KEL: variants seen among roughly 807,000 people sequenced by gnomAD.
KEL encodes the protein kell blood group glycoprotein.
A neutral mutation model predicts 99.5 loss-of-function variants in KEL; 96 were observed. The observed-to-expected ratio is 0.97, with a 90% CI of 0.82 to 1.14. The LOEUF (loss-of-function observed/expected upper bound fraction) is 1.14. KEL is among the 50% of genes most tolerant of loss of function. The probability of loss-of-function intolerance (pLI) is 0.00; values close to 1 mark genes in which losing one functional copy is unlikely to be tolerated. For missense variants in KEL, 926 were observed against 924.2 expected, an observed-to-expected ratio of 1.00 and a Z score of -0.03; for synonymous variants, 355 against 354.8, an observed-to-expected ratio of 1.00 and a Z score of -0.01.
At position 142,941,372 on chromosome 7, in the gene KEL, A is replaced by G; in HGVS notation, c.2079T>C (p.Thr693=). 1 of 1,610,458 alleles carries G rather than the reference A, an allele frequency of 6.2e-7. No individual in the cohort carries two copies. Among genetic ancestry groups the G allele is most frequent in the Non-Finnish European group, 8.5e-7 (1 of 1,177,268 alleles). Residue 693 remains threonine, a synonymous_variant, in exon 19 of 19, where the codon ACT becomes ACC. Transcript: ENST00000355265. ...GGACTCGGAGGTGTGGAGGGCTGTG[A>G]GTGTCGTGAGAGTCCTGGGGGCTGG... ...RKPSPQDSHD[T]HSPPHLRVHG...
intron 1 of KEL, 88 bp downstream of exon 1, chr7:142,962,116 T>A: frequency 6.2e-7 from 1 of 1,611,850 alleles, no homozygotes; most frequent in Non-Finnish European, 8.5e-7. Context: ...AAGCCTTACA[T>A]TCCCTCCCCT....
chr7:142,949,430 A>G (rs1309205042), intron 10 of KEL, among the ~76,000 whole-genome samples: 1 of 152,222 alleles, frequency 6.6e-6, no homozygotes, highest in African/African-American at 2.4e-5. Context: ...AATCCTAACT[A>G]CCACTCACTT....
intron 6 of KEL, among the ~76,000 whole-genome samples, chr7:142,955,977 A>G (rs1796821010): frequency 6.6e-6 from 1 of 151,934 alleles, no homozygotes; most frequent in Non-Finnish European, 1.5e-5. Flanking sequence ...TTTGTGGCCC[A>G]CCATACTGGT....
At chr7:142,946,116 C>G in intron 11 of KEL, 91 bp downstream of exon 11, 1 of 911,430 alleles carries the variant, frequency 1.1e-6, no homozygotes, top group East Asian at 2.6e-5. Flanking sequence ...ATCACACACA[C>G]CACTGAGAAA....
chr7:142,947,968 A>G (rs1796577429), intron 10 of KEL, among the ~76,000 whole-genome samples: 1 of 152,226 alleles, frequency 6.6e-6, no homozygotes, highest in Non-Finnish European at 1.5e-5. Flanking sequence ...ATTCTGCTGG[A>G]CAAGCTTGGC....
chr7:142,949,392 C>T (rs116512633), intron 10 of KEL, among the ~76,000 whole-genome samples: 1,542 of 152,350 alleles, frequency 0.01, 26 homozygotes, highest in African/African-American at 0.035. Flanking sequence ...TTCAAGTTAA[C>T]TTGACCTCCA....
Position 142,954,516 on chromosome 7 carries a change from T to C in KEL, c.684A>G (p.Pro228=). ...PHTPVIQIDQ[P]EFDVPLKQDQ... is the part of the protein sequence containing the mutation. Reference sequence around the variant, plus strand: ...CTTGCTTGAGGGGAACATCAAACTCTGGCTGGTCTATCTGGGCACAAGAGA... The same window carrying C: ...CTTGCTTGAGGGGAACATCAAACTCCGGCTGGTCTATCTGGGCACAAGAGA... Residue 228 remains proline (P), a synonymous_variant, in exon 7 of 19, where the codon CCA becomes CCG. Coordinates refer to ENST00000355265, the MANE Select transcript of KEL (RefSeq NM_000420.3). 6.2e-7 allele frequency: 1 copy of C among 1,614,118 alleles called. No individual in the cohort carries two copies. The highest frequency in any genetic ancestry group is 8.5e-7 in the Non-Finnish European group (1 of 1,180,002).
chr7:142,952,200 T>C (rs1236418508), intron 10 of KEL, among the ~76,000 whole-genome samples: 1 of 152,140 alleles, frequency 6.6e-6, no homozygotes, highest in East Asian at 1.9e-4. Flanking sequence ...GCAAATAGTG[T>C]AAGCATCATG....
At chr7:142,949,602 G>T (rs969006008) in intron 10 of KEL, among the ~76,000 whole-genome samples, 1 of 152,180 alleles carries the variant, frequency 6.6e-6, no homozygotes, top group African/African-American at 2.4e-5. Context: ...TGCATTCCAA[G>T]TGCCTGGAGA....
chr7:142,944,664 G>A lies in KEL; in HGVS notation c.1392C>T (p.Thr464=), dbSNP rs1445960454. Residue 464 remains threonine (T), a synonymous_variant, in exon 12 of 19, where the codon ACC becomes ACT. Transcript: ENST00000355265. The stretch of plus-strand genomic sequence containing the variant: ...TGACCTTGTCCTGGGCCATGTTCTG[G>A]GTCTCCTCATTCATCCAGGGAAGGT... ...LRNLPWMNEE[T]QNMAQDKVAQ... is the part of the protein sequence containing the mutation. The A allele has an allele frequency of 1.2e-6, 2 of 1,613,932 alleles. No individual in the cohort carries two copies. Among genetic ancestry groups the A allele is most frequent in the Admixed American group, 1.7e-5 (1 of 60,026 alleles).
intron 10 of KEL, among the ~76,000 whole-genome samples, chr7:142,947,328 G>A (rs1211088326): frequency 6.6e-6 from 1 of 152,090 alleles, no homozygotes; most frequent in African/African-American, 2.4e-5. Context: ...TAGGAAGGCT[G>A]CCACTAATAC....
intron 18 of KEL, 39 bp from the exon 19 acceptor site, chr7:142,941,452 C>G (rs963545998): frequency 6.5e-6 from 10 of 1,536,710 alleles, no homozygotes; most frequent in East Asian, 4.5e-5. Flanking sequence ...GGAGGGTCCA[C>G]AGGACAAAGC....
Position 142,944,328 on chromosome 7 carries a change from T to A in KEL, c.1486A>T (p.Asn496Tyr). The change falls in exon 13 of 19, where the codon AAC (asparagine) becomes TAC (tyrosine). Residue 496 changes from asparagine to tyrosine, a missense_variant. Physicochemically the swap from Asn to Tyr is moderately radical, Grantham distance 143 (BLOSUM62 -2). Coordinates refer to ENST00000355265, the MANE Select transcript of KEL (RefSeq NM_000420.3). ...LKPELARQEY[N>Y]DIQLGSSFLQ... ...TGGAAAACACAGGGACCCACATCGT[T>A]GTATTCTTGTCGGGCCAGCTCTGGC... 6.2e-7 allele frequency: 1 copy of A among 1,613,324 alleles called. No homozygotes were observed. Among genetic ancestry groups the A allele is most frequent in the Non-Finnish European group, 8.5e-7 (1 of 1,179,292 alleles).
chr7:142,944,080 C>T (rs982423792), intron 13 of KEL, among the ~76,000 whole-genome samples, 197 bp from the exon 14 acceptor site: 1 of 152,170 alleles, frequency 6.6e-6, no homozygotes, highest in Non-Finnish European at 1.5e-5. Context: ...GATGAACACG[C>T]CCAGACAAGT....
At position 142,946,230 on chromosome 7, in the gene KEL, AG is replaced by A; in HGVS notation, c.1290del (p.Phe431LeufsTer10). ...ACAGCACTTCGGGTGCTCGGGCCAAAGGCCTCACGAACAAACAAAGCCGCCA... is the reference window on the plus strand; with the variant it reads ...ACAGCACTTCGGGTGCTCGGGCCAAAGCCTCACGAACAAACAAAGCCGCCA... Reference protein sequence around the residue: ...PTLAALFVREAFGPSTRSAAM... With the variant: ...PTLAALFVREXFGPSTRSAAM... On this transcript the variant is annotated frameshift_variant, in exon 11 of 19. Transcript: ENST00000355265. LOFTEE classifies it high-confidence loss of function. 1.2e-6 allele frequency: 2 copies of A among 1,613,880 alleles called. No homozygotes were observed. Among genetic ancestry groups the A allele is most frequent in the Non-Finnish European group, 1.7e-6 (2 of 1,179,854 alleles).
rs765373517 is a variant in KEL, at chr7:142,943,489, G to A, written c.1700C>T (p.Pro567Leu). Reference sequence around the variant, plus strand: ...ACCCTTACAGAGTGACCCATACCTGGGATAGCCAGGGTGGAAGAATGGGGG... The same window carrying A: ...ACCCTTACAGAGTGACCCATACCTGAGATAGCCAGGGTGGAAGAATGGGGG... The part of the protein sequence containing the change: ...LQPPFFHPGY[P>L]RAVNFGAAGS... The change falls in exon 15 of 19, where the codon CCC (proline) becomes CTC (leucine). Residue 567 changes from proline to leucine, a missense_variant. By Grantham distance (98) the Pro-to-Leu change is moderately conservative. Transcript: ENST00000355265. The A allele has an allele frequency of 1.1e-5, 17 of 1,613,262 alleles. No individual in the cohort carries two copies. The highest frequency in any genetic ancestry group is 1.4e-5 in the Non-Finnish European group (17 of 1,179,298).
At chr7:142,957,789 GC>G (rs1467804078) in intron 6 of KEL, 37 bp downstream of exon 6, 2 of 1,612,492 alleles carry the variant, frequency 1.2e-6, no homozygotes, top group South Asian at 2.2e-5. Flanking sequence ...TTGGAGGCAG[GC>G]CAGGTCCAAC....
intron 10 of KEL, among the ~76,000 whole-genome samples, chr7:142,947,425 G>A (rs917519753): frequency 6.6e-6 from 1 of 152,130 alleles, no homozygotes; most frequent in African/African-American, 2.4e-5. Context: ...AGGCCAGTCT[G>A]GTAGTCACTG....
chr7:142,942,980 C>T lies in KEL; in HGVS notation c.1836G>A (p.Lys612=). Residue 612 remains lysine (K), a synonymous_variant, in exon 17 of 19, where the codon AAG becomes AAA. Coordinates refer to ENST00000355265, the MANE Select transcript of KEL (RefSeq NM_000420.3). ...GTAATGGAAAGGCAGCATAATGGCG[C>T]TTCAGGCACAGGTGAGCTTCCTGGA... is the stretch of plus-strand genomic sequence containing the variant. ...HALQEAHLCL[K]RHYAAFPLPS... is the part of the protein sequence containing the mutation. 6.2e-7 allele frequency: 1 copy of T among 1,614,200 alleles called. No homozygotes were observed. Among genetic ancestry groups the T allele is most frequent in the Non-Finnish European group, 8.5e-7 (1 of 1,180,040 alleles).
Sources: allele counts gnomAD v4.1 joint callset (sites outside exome capture counted in the v4.1 genomes callset), GRCh38; gene constraint gnomAD v4.1.1; transcripts MANE v1.5; gene names NCBI Gene and HGNC (gene_info 2026-07-23, HGNC 2026-07-21).